Variants in DUOX2 observed in about 807,000 individuals in gnomAD.
DUOX2 encodes the protein NADH/NADPH thyroid oxidase p138-tox.
A neutral mutation model predicts 183.3 loss-of-function variants in DUOX2; 185 were observed. The ratio of observed to expected loss-of-function variants is 1.01; its 90% CI spans 0.90 to 1.14. The LOEUF (loss-of-function observed/expected upper bound fraction) is 1.14. DUOX2 is among the 50% of genes most tolerant of loss of function. The pLI is 0.00. For missense variants in DUOX2, 1,999 were observed against 2,022.9 expected, an observed-to-expected ratio of 0.99 and a Z score of 0.23; for synonymous variants, 788 against 812.4, an observed-to-expected ratio of 0.97 and a Z score of 0.51.
At chr15:45,100,678 G>A (rs1228465380) in intron 23 of DUOX2, 77 bp downstream of exon 23, 1 of 1,188,132 alleles carries the variant, frequency 8.4e-7, no homozygotes, top group African/African-American at 1.5e-5. Context: ...ATATGTCAAG[G>A]ATATGTGGGT....
At chr15:45,097,204 T>G in intron 29 of DUOX2, 34 bp downstream of exon 29, 1 of 1,613,720 alleles carries the variant, frequency 6.2e-7, no homozygotes, top group Non-Finnish European at 8.5e-7. Context: ...TTGGCCTCTG[T>G]CGCTCCCGAC....
Position 45,112,714 on chromosome 15 carries a change from G to A in DUOX2, c.165C>T (p.Cys55=). 3 of 1,611,462 alleles carry A rather than the reference G, an allele frequency of 1.9e-6. No homozygotes were observed. Among genetic ancestry groups the A allele is most frequent in the Non-Finnish European group, 1.7e-6 (2 of 1,179,876 alleles). Residue 55 remains cysteine (C), a synonymous_variant, in exon 4 of 34, where the codon TGC becomes TGT. Transcript: ENST00000389039. The part of the protein sequence containing the change: ...LRHHERGAVG[C]RLQRRVPANY... ...TGGCTGGTACGCGGCGCTGCAACCG[G>A]CAGCCTGCGGAGGCAGGGAGCGGGG...
At chr15:45,110,783 A>G (rs1156531667) in intron 7 of DUOX2, 73 bp from the exon 8 acceptor site, 1 of 1,608,140 alleles carries the variant, frequency 6.2e-7, no homozygotes, top group Non-Finnish European at 8.5e-7. Context: ...GAGCCCAAGG[A>G]CGGCTTCCGT....
chr15:45,094,079 G>A lies in DUOX2; in HGVS notation c.*71C>T. On this transcript the variant is annotated 3_prime_UTR_variant, in exon 34 of 34. Transcript: ENST00000389039. ...GTGGATTCTGATGGAGAGATTGCCAGCAGGGCTGGGCAACTTAGGTGCACA... is the reference window on the plus strand; with the variant it reads ...GTGGATTCTGATGGAGAGATTGCCAACAGGGCTGGGCAACTTAGGTGCACA... 1.2e-6 allele frequency: 2 copies of A among 1,606,854 alleles called. No individual in the cohort carries two copies. The highest frequency in any genetic ancestry group is 1.7e-6 in the Non-Finnish European group (2 of 1,173,742).
intron 21 of DUOX2, 117 bp from the exon 22 acceptor site, chr15:45,101,391 T>C (rs1894078419): frequency 1.1e-6 from 1 of 904,780 alleles, no homozygotes; most frequent in Admixed American, 2.0e-5. Flanking sequence ...ACTCGAGTCC[T>C]GTTTCCCTCA....
At chr15:45,110,327 C>G in intron 9 of DUOX2, 101 bp downstream of exon 9, 5 of 1,204,276 alleles carry the variant, frequency 4.2e-6, no homozygotes, top group Non-Finnish European at 5.8e-6. Context: ...TTCCCCTTCT[C>G]TAGTGAAACT....
chr15:45,100,663 C>A, intron 23 of DUOX2, 92 bp downstream of exon 23: 2 of 1,057,786 alleles, frequency 1.9e-6, no homozygotes, highest in South Asian at 2.5e-5. Flanking sequence ...TCAGGATGGT[C>A]GCTTATATGT....
chr15:45,094,441 A>C lies in DUOX2; in HGVS notation c.4524+122T>G, dbSNP rs569298426. ...AAGTCCCCCTTTAACAGCTGACCTC[A>C]TCCTGGGGCCAGGCAATCGGGTGGA... On this transcript the variant is annotated intron_variant, in intron 33 of 33. Coordinates refer to ENST00000389039, the MANE Select transcript of DUOX2 (RefSeq NM_001363711.2). 188 of 1,526,508 alleles carry C rather than the reference A, an allele frequency of 1.2e-4. 3 individuals are homozygous for C. The East Asian group carries it at 4.5e-3, about 37-fold the overall frequency. 94.6% of individuals were successfully genotyped at this position (1,526,508 alleles called of 1,614,324 possible).
chr15:45,095,346 G>T, intron 31 of DUOX2, 91 bp downstream of exon 31: 1 of 1,575,876 alleles, frequency 6.3e-7, no homozygotes, highest in Non-Finnish European at 8.7e-7. Flanking sequence ...AGTTCCTGGA[G>T]CCAGGAGCTT....
chr15:45,103,900 C>T (rs896002759), intron 20 of DUOX2, 60 bp downstream of exon 20: 2 of 1,577,636 alleles, frequency 1.3e-6, no homozygotes, highest in Non-Finnish European at 1.7e-6. Flanking sequence ...TCTGACTGGA[C>T]CTGTTTTCCT....
chr15:45,094,266 T>G lies in DUOX2; in HGVS notation c.4531A>C (p.Lys1511Gln), dbSNP rs1216558587. ...GGGCCGCAGCTGAACACCCCGATCT[T>G]GCGCACCTGTCAGGAGATTGGAGAG... ...SLQEVHPQVR[K>Q]IGVFSCGPPG... Residue 1511 changes from lysine (K) to glutamine (Q), a missense_variant, in exon 34 of 34, where the codon AAG becomes CAG. This residue lies in a region of DUOX2 where 1,628 missense variants were observed against 1,608.6 expected (regional missense o/e 1.01). Coordinates refer to ENST00000389039, the MANE Select transcript of DUOX2 (RefSeq NM_001363711.2). 2 of 1,614,012 alleles carry G rather than the reference T, an allele frequency of 1.2e-6. No individual in the cohort carries two copies.
At chr15:45,106,787 A>G (rs753098055) in intron 15 of DUOX2, 45 bp downstream of exon 15, 3 of 1,599,184 alleles carry the variant, frequency 1.9e-6, no homozygotes, top group Non-Finnish European at 8.5e-7. Context: ...CCAGCAGGAA[A>G]TGAGGGGCAG....
chr15:45,100,342 A>C, intron 23 of DUOX2, 114 bp from the exon 24 acceptor site: 1 of 1,034,016 alleles, frequency 9.7e-7, no homozygotes, highest in Non-Finnish European at 1.4e-6. Flanking sequence ...GGGCCACAAC[A>C]GATGAATGGA....
In DUOX2 at chr15:45,101,266, C is replaced by T. The variant is rs756705365; in HGVS notation, c.2860G>A (p.Asp954Asn). The change falls in exon 22 of 34, where the codon GAT becomes AAT. Residue 954 changes from aspartate (D) to asparagine (N), a missense_variant. Coordinates refer to ENST00000389039, the MANE Select transcript of DUOX2 (RefSeq NM_001363711.2). ...CAGCTGATGTTTTGTTTAAAGATAT[C>T]TCTAATACCTAGAGAAAAGAACAAG... Reference protein sequence around the residue: ...GGGGGGNGIRDIFKQNISCRV... With the variant: ...GGGGGGNGIRNIFKQNISCRV... The T allele has an allele frequency of 3.1e-6, 5 of 1,613,084 alleles. No individual in the cohort carries two copies. In the South Asian group the frequency reaches 3.3e-5, roughly 11 times the overall value.
At chr15:45,101,406 C>G (rs992508826) in intron 21 of DUOX2, 132 bp from the exon 22 acceptor site, 11 of 811,316 alleles carry the variant, frequency 1.4e-5, no homozygotes, top group Non-Finnish European at 1.9e-5. Context: ...CCCTCATTCC[C>G]TAGACTAAGC....
intron 12 of DUOX2, chr15:45,108,458 A>C (rs1894289887): frequency 1.7e-6 from 1 of 605,354 alleles, no homozygotes; most frequent in Non-Finnish European, 2.9e-6. Context: ...GACCATCACC[A>C]GCCTGCCTGA....
intron 29 of DUOX2, among the ~76,000 whole-genome samples, chr15:45,096,981 C>A (rs1893919713): frequency 6.6e-6 from 1 of 152,220 alleles, no homozygotes; most frequent in Non-Finnish European, 1.5e-5. Context: ...TCAAACCCCT[C>A]TGTATGCACG....
In DUOX2 at chr15:45,112,703, C is replaced by A; in HGVS notation, c.176G>T (p.Arg59Leu). 1 of 1,611,922 alleles carries A rather than the reference C, an allele frequency of 6.2e-7. No homozygotes were observed. Among genetic ancestry groups the A allele is most frequent in the Non-Finnish European group, 8.5e-7 (1 of 1,179,876 alleles). ...GTCGGCGTAATTGGCTGGTACGCGG[C>A]GCTGCAACCGGCAGCCTGCGGAGGC... ...ERGAVGCRLQ[R>L]RVPANYADGV... The change falls in exon 4 of 34, where the codon CGC becomes CTC. Residue 59 changes from arginine to leucine, a missense_variant. This residue lies in a region of DUOX2 where 356 missense variants were observed against 356.4 expected (regional missense o/e 1.00). Coordinates refer to ENST00000389039, the MANE Select transcript of DUOX2 (RefSeq NM_001363711.2).
At chr15:45,112,373 A>C (rs1894451755) in intron 4 of DUOX2, among the ~76,000 whole-genome samples, 181 bp downstream of exon 4, 1 of 152,134 alleles carries the variant, frequency 6.6e-6, no homozygotes, top group Non-Finnish European at 1.5e-5. Flanking sequence ...TACAGAGCAA[A>C]TATCTCTGTA....
Sources: gnomAD v4.1 joint callset for allele counts (sites outside exome capture counted in the v4.1 genomes callset) on GRCh38, gnomAD v4.1.1 for gene constraint, gnomAD v4.1.1 regional missense constraint, MANE v1.5 for transcripts, NCBI Gene and HGNC (gene_info 2026-07-23, HGNC 2026-07-21) for gene names.